The following PCDH17 variants were observed in gnomAD, a reference collection of about 807,000 sequenced individuals.
The protein encoded by PCDH17 is protocadherin 17.
A neutral mutation model predicts 67.7 loss-of-function variants in PCDH17; 21 were observed. The observed-to-expected ratio is 0.31, with a 90% CI of 0.22 to 0.45. The LOEUF (loss-of-function observed/expected upper bound fraction) is 0.45. PCDH17 is among the 20% of genes least tolerant of loss of function. The probability of loss-of-function intolerance (pLI) is 1.00; values close to 1 mark genes in which losing one functional copy is unlikely to be tolerated. For missense variants in PCDH17, 1,471 were observed against 1,564.8 expected, an observed-to-expected ratio of 0.94 and a Z score of 1.01; for synonymous variants, 701 against 656.7, an observed-to-expected ratio of 1.07 and a Z score of -1.03.
chr13:57,633,669 C>G lies in PCDH17; in HGVS notation c.1123C>G (p.Arg375Gly). Residue 375 changes from arginine to glycine, a missense_variant, in exon 1 of 4, where the codon CGG becomes GGG. Coordinates refer to ENST00000377918, the MANE Select transcript of PCDH17 (RefSeq NM_001040429.3). This position sits in a 1 kb window ranked among gnomAD's most constrained non-coding sequence, Gnocchi z 6.2. ...TCCCGGCACCGTCATCGCCCTGGTG[C>G]GGGTCACTGACCGGGACTCTGGCAA... The part of the protein sequence containing the change: ...APPGTVIALV[R>G]VTDRDSGKNG... The G allele has an allele frequency of 6.2e-7, 1 of 1,604,944 alleles. No homozygotes were observed. The highest frequency in any genetic ancestry group is 2.2e-5 in the East Asian group (1 of 44,736).
chr13:57,700,319 CTCTT>C (rs1285804991), intron 3 of PCDH17, among the ~76,000 whole-genome samples: 1 of 146,408 alleles, frequency 6.8e-6, no homozygotes, highest in South Asian at 2.1e-4. Context: ...CTCTCTCTCT[CTCTT>C]TTTTTTTTTT....
At chr13:57,701,166 A>T (rs1005581207) in intron 3 of PCDH17, among the ~76,000 whole-genome samples, 1 of 152,202 alleles carries the variant, frequency 6.6e-6, no homozygotes, top group Non-Finnish European at 1.5e-5. Flanking sequence ...AGAATTTTTT[A>T]AAATGAAGTT....
intron 1 of PCDH17, among the ~76,000 whole-genome samples, chr13:57,641,097 A>G (rs973955861): frequency 6.6e-6 from 1 of 151,934 alleles, no homozygotes; most frequent in Non-Finnish European, 1.5e-5. Context: ...CATTTTGAAG[A>G]TAATGTGACT....
intron 3 of PCDH17, among the ~76,000 whole-genome samples, chr13:57,702,514 G>A (rs1418533885): frequency 6.6e-6 from 1 of 152,066 alleles, no homozygotes; most frequent in Non-Finnish European, 1.5e-5. Flanking sequence ...CTTTAAATCC[G>A]GCTGTGCAGG....
intron 3 of PCDH17, among the ~76,000 whole-genome samples, chr13:57,697,898 T>A (rs578027996): frequency 1.2e-3 from 177 of 151,706 alleles, no homozygotes; most frequent in Non-Finnish European, 2.2e-3. Flanking sequence ...TTATGTGAAA[T>A]TAAATAGATC....
At chr13:57,676,608 G>T (rs995084538) in intron 3 of PCDH17, among the ~76,000 whole-genome samples, 1 of 151,702 alleles carries the variant, frequency 6.6e-6, no homozygotes, top group African/African-American at 2.4e-5. Context: ...AGATAATAGG[G>T]TTCATAACAG....
intron 3 of PCDH17, among the ~76,000 whole-genome samples, chr13:57,704,570 A>C (rs534237006): frequency 2.6e-4 from 39 of 151,802 alleles, no homozygotes; most frequent in Non-Finnish European, 3.8e-4. Context: ...TATCCAAAAA[A>C]AAAAAACAAA....
At chr13:57,675,946 G>A (rs1955386960) in intron 3 of PCDH17, among the ~76,000 whole-genome samples, 1 of 151,874 alleles carries the variant, frequency 6.6e-6, no homozygotes, top group Non-Finnish European at 1.5e-5. Context: ...AACAAAGTAA[G>A]CGATTAAAAA....
At chr13:57,685,033 A>G (rs1955493181) in intron 3 of PCDH17, among the ~76,000 whole-genome samples, 1 of 151,964 alleles carries the variant, frequency 6.6e-6, no homozygotes, top group Admixed American at 6.6e-5. Flanking sequence ...TTTAAAAAGA[A>G]GTCAGATTTT....
intron 1 of PCDH17, among the ~76,000 whole-genome samples, chr13:57,649,301 A>G (rs1215770337): frequency 1.3e-5 from 2 of 152,170 alleles, no homozygotes; most frequent in Non-Finnish European, 2.9e-5. Flanking sequence ...AGGAAATGGA[A>G]AAAGGAGAAT....
intron 3 of PCDH17, among the ~76,000 whole-genome samples, chr13:57,667,438 A>G (rs999264218): frequency 3.9e-5 from 6 of 152,018 alleles, no homozygotes; most frequent in African/African-American, 1.2e-4. Flanking sequence ...TATTCATCTC[A>G]TGACTTTTTA....
At chr13:57,697,010 G>T (rs890615638) in intron 3 of PCDH17, among the ~76,000 whole-genome samples, 2 of 151,544 alleles carry the variant, frequency 1.3e-5, no homozygotes, top group African/African-American at 4.8e-5. Context: ...AAGTAGGCTT[G>T]AAGAAATCAT....
At position 57,662,065 on chromosome 13, in the gene PCDH17, C is replaced by G. The variant is rs115488233; in HGVS notation, c.2566-4403C>G. Among the ~76,000 whole-genome samples, 442 of 152,164 alleles carry G rather than the reference C, an allele frequency of 2.9e-3. 2 individuals carry two copies. The highest frequency in any genetic ancestry group is 0.01 in the African/African-American group (419 of 41,516). On this transcript the variant is annotated intron_variant, in intron 1 of 3. Coordinates refer to ENST00000377918, the MANE Select transcript of PCDH17 (RefSeq NM_001040429.3). ...CTTTTAGTAGACAAGGGATTTTTCA[C>G]CATGTTGACCAGGCTGGTCTCGAAC...
At chr13:57,706,689 T>A (rs537317824) in intron 3 of PCDH17, among the ~76,000 whole-genome samples, 1 of 152,276 alleles carries the variant, frequency 6.6e-6, no homozygotes, top group Admixed American at 6.5e-5. Flanking sequence ...ACTTTGTTCA[T>A]CTTCTGTGTT....
In PCDH17 at chr13:57,633,944, C is replaced by T. The variant is rs1178903532; in HGVS notation, c.1398C>T (p.Asn466=). 7 of 1,613,506 alleles carry T rather than the reference C, an allele frequency of 4.3e-6. No homozygotes were observed. The Admixed American group carries it at 5.0e-5, about 12-fold the overall frequency. ...TCGCGATCAAGATTCTAGACGAGAACGACAACCCGCCTCGGTTCACCAAAG... is the reference window on the plus strand; with the variant it reads ...TCGCGATCAAGATTCTAGACGAGAATGACAACCCGCCTCGGTTCACCAAAG... ...KSFAIKILDE[N]DNPPRFTKGL... The change falls in exon 1 of 4, where the codon AAC becomes AAT. Residue 466 remains asparagine (N), a synonymous_variant. Transcript: ENST00000377918. This position sits in a 1 kb window ranked among gnomAD's most constrained non-coding sequence, Gnocchi z 6.2.
Position 57,724,980 on chromosome 13 carries a change from G to T in PCDH17, c.3166G>T (p.Gly1056Cys). ...PCTSTKGSLD[G>C]CEAKPGALAE... ...CACCTCAACAAAAGGCTCCCTGGATGGCTGTGAAGCAAAACCAGGAGCCCT... is the reference window on the plus strand; with the variant it reads ...CACCTCAACAAAAGGCTCCCTGGATTGCTGTGAAGCAAAACCAGGAGCCCT... Residue 1056 changes from glycine to cysteine, a missense_variant, in exon 4 of 4, where the codon GGC (glycine) becomes TGC (cysteine). Coordinates refer to ENST00000377918, the MANE Select transcript of PCDH17 (RefSeq NM_001040429.3). 6.2e-7 allele frequency: 1 copy of T among 1,614,138 alleles called. No homozygotes were observed. Among genetic ancestry groups the T allele is most frequent in the Non-Finnish European group, 8.5e-7 (1 of 1,180,022 alleles).
chr13:57,647,066 A>G (rs545919409), intron 1 of PCDH17, among the ~76,000 whole-genome samples: 1 of 151,888 alleles, frequency 6.6e-6, no homozygotes, highest in South Asian at 2.1e-4. Context: ...TTTTTCTTAA[A>G]CTATCGTACA....
chr13:57,725,280 G>C lies in PCDH17; in HGVS notation c.3466G>C (p.Ala1156Pro), dbSNP rs776323779. 6.3e-7 allele frequency: 1 copy of C among 1,582,594 alleles called. No individual in the cohort carries two copies. Among genetic ancestry groups the C allele is most frequent in the South Asian group, 1.2e-5 (1 of 86,458 alleles). The change falls in exon 4 of 4, where the codon GCT becomes CCT. Residue 1156 changes from alanine to proline, a missense_variant. Coordinates refer to ENST00000377918, the MANE Select transcript of PCDH17 (RefSeq NM_001040429.3). ...AGACTGCCGGGGAAACGACCCTGTG[G>C]CTGTGAGAAAGTGAAAAAAGAAAAA... ...LQDCRGNDPV[A>P]VRK
At chr13:57,680,331 G>A (rs946944851) in intron 3 of PCDH17, among the ~76,000 whole-genome samples, 2 of 151,450 alleles carry the variant, frequency 1.3e-5, no homozygotes, top group Non-Finnish European at 3.0e-5. Flanking sequence ...GTTTAAAGGC[G>A]GGATAATAGC....
Sources: gnomAD v4.1 joint callset for allele counts (sites outside exome capture counted in the v4.1 genomes callset) on GRCh38, gnomAD v4.1.1 for gene constraint, Gnocchi (gnomAD v3.1) non-coding constraint, MANE v1.5 for transcripts, NCBI Gene and HGNC (gene_info 2026-07-23, HGNC 2026-07-21) for gene names.